SAFB2: variants seen among roughly 807,000 people sequenced by gnomAD.
The protein encoded by SAFB2 is scaffold attachment factor B2.
SAFB2 carries 32 observed loss-of-function variants against 100.6 expected under a neutral mutation model. That is an observed-to-expected ratio of 0.32 (90% CI 0.24 to 0.43). SAFB2 has a LOEUF of 0.43. Among genes scored for constraint, SAFB2 ranks in the 20% least tolerant of loss-of-function variants. The pLI, the probability that SAFB2 is intolerant of heterozygous loss-of-function variation, is 1.00. For missense variants in SAFB2, 1,185 were observed against 1,163.4 expected (o/e 1.02, Z -0.27); for synonymous variants, 500 against 439.4 (o/e 1.14, Z -1.72).
chr19:5,616,595 A>G (rs928678563), intron 2 of SAFB2, 109 bp from the exon 3 acceptor site: 38 of 897,020 alleles, frequency 4.2e-5, no homozygotes, highest in African/African-American at 4.1e-4. Context: ...AAGATAAACT[A>G]TAAGTCTCCC....
At chr19:5,616,542 G>C in intron 2 of SAFB2, 56 bp from the exon 3 acceptor site, 3 of 1,384,056 alleles carry the variant, frequency 2.2e-6, no homozygotes, top group Non-Finnish European at 3.1e-6. Flanking sequence ...CTCATAATTA[G>C]TTTATGCAGA....
At position 5,587,043 on chromosome 19, in the gene SAFB2, A is replaced by T; in HGVS notation, c.*200T>A. On this transcript the variant is annotated 3_prime_UTR_variant, in exon 21 of 21. Transcript: ENST00000252542. This position sits in a 1 kb window ranked among gnomAD's most constrained non-coding sequence, Gnocchi z 4.9. Reference sequence around the variant, plus strand: ...TAATGGAAAATGGAATGCCTCGTTAACAGAAACCTTGATTTAAAAATGGCA... The same window carrying T: ...TAATGGAAAATGGAATGCCTCGTTATCAGAAACCTTGATTTAAAAATGGCA... 1.4e-6 allele frequency: 1 copy of T among 727,000 alleles called. No homozygotes were observed. Among genetic ancestry groups the T allele is most frequent in the African/African-American group, 1.8e-5 (1 of 56,184 alleles). The allele number at this position is 727,000 out of a possible 1,614,324, so 45.0% of individuals were successfully genotyped here. A position where few individuals can be genotyped will look rare whatever the true frequency, so the allele number is the denominator to read the frequency against.
chr19:5,612,619 A>ATACATT (rs1568227299), intron 5 of SAFB2, 52 bp from the exon 6 acceptor site: 1 of 1,446,306 alleles, frequency 6.9e-7, no homozygotes. Flanking sequence ...CACGGGGCAC[A>ATACATT]TACATTTCAC....
intron 17 of SAFB2, 122 bp downstream of exon 17, chr19:5,591,626 G>T: frequency 3.5e-6 from 3 of 855,694 alleles, no homozygotes; most frequent in Non-Finnish European, 3.8e-6. Context: ...TTGCATACCC[G>T]CCACACGTGC....
intron 2 of SAFB2, among the ~76,000 whole-genome samples, chr19:5,617,701 C>A (rs2053061657): frequency 6.6e-6 from 1 of 152,294 alleles, no homozygotes; most frequent in Non-Finnish European, 1.5e-5. Flanking sequence ...CACGACCCTG[C>A]AATGCACAGG....
chr19:5,587,413 C>CA lies in SAFB2; in HGVS notation c.2706-15dup. 6.2e-7 allele frequency: 1 copy of CA among 1,603,324 alleles called. No homozygotes were observed. The highest frequency in any genetic ancestry group is 8.5e-7 in the Non-Finnish European group (1 of 1,174,666). ...AAGCCGCCTCGCCTAGGAACAAAGT[C>CA]AGACAATTTTTTTCCCCTTGAAGTG... is the stretch of plus-strand genomic sequence containing the variant. On this transcript the variant is annotated splice_polypyrimidine_tract_variant and intron_variant, in intron 20 of 20. Coordinates refer to ENST00000252542, the MANE Select transcript of SAFB2 (RefSeq NM_014649.3). This position sits in a 1 kb window ranked among gnomAD's most constrained non-coding sequence, Gnocchi z 4.9.
chr19:5,614,824 G>A (rs1045563841), intron 4 of SAFB2, among the ~76,000 whole-genome samples: 1 of 152,210 alleles, frequency 6.6e-6, no homozygotes, highest in Non-Finnish European at 1.5e-5. Flanking sequence ...TACATACAAG[G>A]ATGCTCACAG....
At chr19:5,613,992 T>C (rs2052968506) in intron 4 of SAFB2, among the ~76,000 whole-genome samples, 1 of 152,220 alleles carries the variant, frequency 6.6e-6, no homozygotes, top group Admixed American at 6.5e-5. Flanking sequence ...TCACTCCTTT[T>C]GCCCAGGCTG....
In SAFB2 at chr19:5,611,627, T is replaced by G. The variant is rs1314252332; in HGVS notation, c.638A>C (p.Asn213Thr). The G allele has an allele frequency of 2.2e-6, 1 of 444,676 alleles. No homozygotes were observed. The highest frequency in any genetic ancestry group is 4.1e-6 in the Non-Finnish European group (1 of 241,906). 27.5% of individuals were successfully genotyped at this position (444,676 alleles called of 1,614,324 possible). ...DIEESLLEPE[N>T]EKILDILGET... ...CCCCAAAATGTCGAGTATTTTCTCA[T>G]TTTCTACGGATTTAACAGGAATAGA... Residue 213 changes from asparagine (N) to threonine (T), a missense_variant, in exon 7 of 21, where the codon AAT becomes ACT. Coordinates refer to ENST00000252542, the MANE Select transcript of SAFB2 (RefSeq NM_014649.3).
intron 18 of SAFB2, 142 bp downstream of exon 18, chr19:5,590,136 G>C: frequency 1.5e-6 from 1 of 686,734 alleles, no homozygotes; most frequent in Non-Finnish European, 2.3e-6. Context: ...CTGAGTCAGG[G>C]GTTTCAAATG....
At chr19:5,599,963 C>T (rs1018478595) in intron 12 of SAFB2, among the ~76,000 whole-genome samples, 167 bp downstream of exon 12, 1 of 152,166 alleles carries the variant, frequency 6.6e-6, no homozygotes, top group African/African-American at 2.4e-5. Flanking sequence ...TGTATGGACA[C>T]TCCTTTAAGC....
intron 1 of SAFB2, among the ~76,000 whole-genome samples, chr19:5,622,197 C>G (rs2053171406): frequency 1.3e-5 from 2 of 152,328 alleles, no homozygotes; most frequent in African/African-American, 4.8e-5. Flanking sequence ...AACTGAGGCA[C>G]AGAGAGAAAG....
intron 14 of SAFB2, among the ~76,000 whole-genome samples, chr19:5,594,497 G>T (rs1318559606): frequency 6.6e-6 from 1 of 152,214 alleles, no homozygotes; most frequent in Non-Finnish European, 1.5e-5. Flanking sequence ...ACATGAAAAG[G>T]CCGAATGTCA....
chr19:5,587,893 A>G lies in SAFB2; in HGVS notation c.2613T>C (p.Ala871=). The change falls in exon 19 of 21, where the codon GCT becomes GCC. Residue 871 remains alanine, a synonymous_variant. Coordinates refer to ENST00000252542, the MANE Select transcript of SAFB2 (RefSeq NM_014649.3). This position sits in a 1 kb window ranked among gnomAD's most constrained non-coding sequence, Gnocchi z 4.9. ...CTTGCCACCTGGCGTGCTCCCGGCT[A>G]GCCGCGCCTGCGTCCATGGCACCCT... ...AWQGAMDAGA[A]SREHARWQGG... 6.2e-7 allele frequency: 1 copy of G among 1,612,190 alleles called. No individual in the cohort carries two copies. Among genetic ancestry groups the G allele is most frequent in the Non-Finnish European group, 8.5e-7 (1 of 1,179,620 alleles).
At chr19:5,588,004 C>G in intron 18 of SAFB2, 24 bp from the exon 19 acceptor site, 1 of 1,598,950 alleles carries the variant, frequency 6.3e-7, no homozygotes, top group East Asian at 2.3e-5. Context: ...AAAAGACATG[C>G]AGCCATCTAA....
In SAFB2 at chr19:5,590,280, G is replaced by A. The variant is rs117896034; in HGVS notation, c.2523C>T (p.Pro841=). ...CCGGCTGGGGCTCACCCACTAACCT[G>A]GGGGGAGGGGGCAGCCCCCGGCCTT... ...LSEGRGLPPP[P]RGGRDWGEHN... The change falls in exon 18 of 21, where the codon CCC becomes CCT. Residue 841 remains proline, a splice_region_variant and synonymous_variant. Transcript: ENST00000252542. 2.5e-6 allele frequency: 4 copies of A among 1,590,596 alleles called. No individual in the cohort carries two copies. Among genetic ancestry groups the A allele is most frequent in the African/African-American group, 1.3e-5 (1 of 74,638 alleles).
rs185457646 is a variant in SAFB2, at chr19:5,620,356, C to A, written c.274+953G>T. 2.6e-4 allele frequency among the ~76,000 whole-genome samples: 39 copies of A among 152,302 alleles called. No individual in the cohort carries two copies. In the East Asian group the frequency reaches 7.1e-3, roughly 28 times the overall value. ...TCCACTGCCTGAATTTAGCACTTTT[C>A]CAAGAAAACAGGCCCCCTGCACAGG... On this transcript the variant is annotated intron_variant, in intron 2 of 20. Transcript: ENST00000252542.
At chr19:5,589,959 A>G (rs2052353991) in intron 18 of SAFB2, among the ~76,000 whole-genome samples, 1 of 152,186 alleles carries the variant, frequency 6.6e-6, no homozygotes, top group African/African-American at 2.4e-5. Context: ...GGGCAGGACT[A>G]AGAGCTTCAG....
At chr19:5,610,239 C>T (rs2052880434) in intron 8 of SAFB2, 144 bp from the exon 9 acceptor site, 6 of 658,652 alleles carry the variant, frequency 9.1e-6, no homozygotes, top group Non-Finnish European at 1.3e-5. Flanking sequence ...ACACACATGC[C>T]AACACACAGA....
Sources: allele counts gnomAD v4.1 joint callset (sites outside exome capture counted in the v4.1 genomes callset), GRCh38; gene constraint gnomAD v4.1.1; non-coding constraint Gnocchi (gnomAD v3.1); transcripts MANE v1.5; gene names NCBI Gene and HGNC (gene_info 2026-07-23, HGNC 2026-07-21).